GABBR2: variants seen among roughly 807,000 people sequenced by gnomAD.
The protein encoded by GABBR2 is G-protein coupled receptor 51.
GABBR2 carries 23 observed loss-of-function variants against 105.6 expected under a neutral mutation model. The ratio of observed to expected loss-of-function variants is 0.22; its 90% CI spans 0.16 to 0.31. The LOEUF (loss-of-function observed/expected upper bound fraction) is 0.31. Among genes scored for constraint, GABBR2 ranks in the 10% least tolerant of loss-of-function variants. The probability of loss-of-function intolerance (pLI) is 1.00; values close to 1 mark genes in which losing one functional copy is unlikely to be tolerated. For synonymous variants in GABBR2, 478 were observed against 499.7 expected (o/e 0.96, Z 0.58); for missense variants, 734 against 1,245.5 (o/e 0.59, Z 6.18).
rs547618708 is a variant in GABBR2, at chr9:98,306,717, C to T, written c.2005-372G>A. The T allele has an allele frequency of 4.3e-5, 11 of 256,130 alleles. No homozygotes were observed. The highest frequency in any genetic ancestry group is 2.6e-3 in the Middle Eastern group (2 of 768). 15.9% of individuals were successfully genotyped at this position (256,130 alleles called of 1,614,324 possible). A position where few individuals can be genotyped will look rare whatever the true frequency, so the allele number is the denominator to read the frequency against. On this transcript the variant is annotated intron_variant, in intron 14 of 18. Transcript: ENST00000259455. The surrounding 1 kb of genome is among the most constrained non-coding windows in gnomAD (Gnocchi z 5.4). ...AAGGGTGAAGAGGTCTGCCCAAGGCCGCACAGCAATATGGTAGCAAAAATG... is the reference window on the plus strand; with the variant it reads ...AAGGGTGAAGAGGTCTGCCCAAGGCTGCACAGCAATATGGTAGCAAAAATG...
At chr9:98,360,983 A>G (rs10986017) in intron 13 of GABBR2, among the ~76,000 whole-genome samples, 4,443 of 152,044 alleles carry the variant, frequency 0.029, 169 homozygotes, top group East Asian at 0.15. Flanking sequence ...GCCTTCCACA[A>G]ACTCTGCCTG....
intron 13 of GABBR2, among the ~76,000 whole-genome samples, chr9:98,320,798 A>T (rs909604869): frequency 5.4e-5 from 7 of 130,364 alleles, no homozygotes; most frequent in Admixed American, 4.3e-4. Context: ...TGGACACAGG[A>T]AGGGGAACAT....
intron 1 of GABBR2, among the ~76,000 whole-genome samples, chr9:98,597,313 G>A (rs1829252763): frequency 1.3e-5 from 2 of 152,106 alleles, no homozygotes; most frequent in South Asian, 4.1e-4. Flanking sequence ...ACATGCCAGG[G>A]ACAACATGCC....
intron 13 of GABBR2, among the ~76,000 whole-genome samples, chr9:98,326,592 G>A (rs1401767442): frequency 6.6e-6 from 1 of 152,186 alleles, no homozygotes; most frequent in Non-Finnish European, 1.5e-5. Context: ...TTGCAAGATT[G>A]GCCTGCTGCC....
chr9:98,405,229 C>T (rs1359413388), intron 8 of GABBR2, among the ~76,000 whole-genome samples: 2 of 152,184 alleles, frequency 1.3e-5, no homozygotes, highest in Non-Finnish European at 2.9e-5. Flanking sequence ...GTTCTCTCTA[C>T]TTTAGAGTCT....
At chr9:98,382,383 G>A (rs922502886) in intron 11 of GABBR2, among the ~76,000 whole-genome samples, 1 of 151,990 alleles carries the variant, frequency 6.6e-6, no homozygotes, top group African/African-American at 2.4e-5. Flanking sequence ...GCACGATCTC[G>A]GCTCACTGCA....
chr9:98,359,459 G>A (rs7040639), intron 13 of GABBR2, among the ~76,000 whole-genome samples: 15,850 of 151,982 alleles, frequency 0.1, 1,080 homozygotes, highest in African/African-American at 0.19. Context: ...AAAATAAATC[G>A]ATCAATATTT....
At chr9:98,385,530 C>A in intron 11 of GABBR2, 110 bp downstream of exon 11, 1 of 866,136 alleles carries the variant, frequency 1.2e-6, no homozygotes, top group Non-Finnish European at 1.9e-6. Flanking sequence ...TTGTTCCCTG[C>A]CTGTTCATGT....
At chr9:98,475,214 C>T (rs1038224960) in intron 5 of GABBR2, among the ~76,000 whole-genome samples, 1 of 152,034 alleles carries the variant, frequency 6.6e-6, no homozygotes, top group Non-Finnish European at 1.5e-5. Context: ...TACAATGTTG[C>T]CCCAAACAAA....
At chr9:98,648,369 G>T (rs1448020262) in intron 1 of GABBR2, among the ~76,000 whole-genome samples, 1 of 152,016 alleles carries the variant, frequency 6.6e-6, no homozygotes, top group Non-Finnish European at 1.5e-5. Context: ...CTGACCTCAG[G>T]TGATCCACCC....
intron 1 of GABBR2, among the ~76,000 whole-genome samples, chr9:98,609,851 G>A (rs1301025447): frequency 1.3e-5 from 2 of 152,192 alleles, no homozygotes; most frequent in Non-Finnish European, 2.9e-5. Context: ...CCAGGCTCAG[G>A]GCCAGGACAC....
intron 7 of GABBR2, among the ~76,000 whole-genome samples, chr9:98,425,841 C>T (rs4743222): frequency 0.13 from 19,724 of 152,144 alleles, 1,743 homozygotes; most frequent in East Asian, 0.37. Context: ...AGTCCTACCC[C>T]GGGTTGGCTG....
chr9:98,583,266 T>TTAC (rs1829027864), intron 1 of GABBR2, among the ~76,000 whole-genome samples: 1 of 152,260 alleles, frequency 6.6e-6, no homozygotes, highest in South Asian at 2.1e-4. Flanking sequence ...CTGTGTCTTC[T>TTAC]TACCTGACAT....
At chr9:98,628,948 G>T (rs1194146463) in intron 1 of GABBR2, among the ~76,000 whole-genome samples, 1 of 152,142 alleles carries the variant, frequency 6.6e-6, no homozygotes, top group Non-Finnish European at 1.5e-5. Context: ...TCCTTTATAG[G>T]CCTTGCTTTT....
chr9:98,331,580 C>T (rs2131391524), intron 13 of GABBR2, among the ~76,000 whole-genome samples: 1 of 152,168 alleles, frequency 6.6e-6, no homozygotes, highest in African/African-American at 2.4e-5. Context: ...GCACCTAACC[C>T]ATCATTGTGG....
At chr9:98,560,830 A>G (rs1828664826) in intron 2 of GABBR2, among the ~76,000 whole-genome samples, 1 of 150,072 alleles carries the variant, frequency 6.7e-6, no homozygotes, top group African/African-American at 2.4e-5. Context: ...ATGCACACAC[A>G]TACACTTAAT....
At chr9:98,597,101 G>C (rs1397729142) in intron 1 of GABBR2, among the ~76,000 whole-genome samples, 1 of 152,132 alleles carries the variant, frequency 6.6e-6, no homozygotes, top group Non-Finnish European at 1.5e-5. Flanking sequence ...GGTTGTCTGG[G>C]CCAAGCACTG....
At chr9:98,507,276 T>C (rs951270932) in intron 3 of GABBR2, among the ~76,000 whole-genome samples, 2 of 152,148 alleles carry the variant, frequency 1.3e-5, no homozygotes, top group Admixed American at 6.5e-5. Flanking sequence ...GGAGCAACCA[T>C]CTGGGATTAT....
Position 98,594,364 on chromosome 9 carries a change from C to T in GABBR2, c.322-16292G>A, listed in dbSNP as rs539742286. Among the ~76,000 whole-genome samples, 210 of 152,346 alleles carry T rather than the reference C, an allele frequency of 1.4e-3. 1 individual carries two copies. Among genetic ancestry groups the T allele is most frequent in the African/African-American group, 5.0e-3 (207 of 41,584 alleles). Reference sequence around the variant, plus strand: ...CCTGCGCAGGGGGTGACGCCTGGTGCTGCCCCTGGATTCACGGAAGAATGT... The same window carrying T: ...CCTGCGCAGGGGGTGACGCCTGGTGTTGCCCCTGGATTCACGGAAGAATGT... On this transcript the variant is annotated intron_variant, in intron 1 of 18. Coordinates refer to ENST00000259455, the MANE Select transcript of GABBR2 (RefSeq NM_005458.8).
Sources: allele counts gnomAD v4.1 joint callset (sites outside exome capture counted in the v4.1 genomes callset), GRCh38; gene constraint gnomAD v4.1.1; non-coding constraint Gnocchi (gnomAD v3.1); transcripts MANE v1.5; gene names NCBI Gene and HGNC (gene_info 2026-07-23, HGNC 2026-07-21).